MXI1: variants seen among roughly 807,000 people sequenced by gnomAD.
MXI1 encodes the protein max-interacting protein 1.
In MXI1, 18 loss-of-function variants were observed where a neutral mutation model predicts 36.9. The ratio of observed to expected loss-of-function variants is 0.49; its 90% CI spans 0.34 to 0.72. The LOEUF is 0.72. MXI1 is among the 30% of genes least tolerant of loss of function. The pLI, the probability that MXI1 is intolerant of heterozygous loss-of-function variation, is 0.01. For synonymous variants in MXI1, 160 were observed against 146.7 expected (o/e 1.09, Z -0.65); for missense variants, 304 against 379.1 (o/e 0.80, Z 1.64).
intron 3 of MXI1, among the ~76,000 whole-genome samples, chr10:110,253,047 G>A (rs76756488): frequency 0.014 from 2,176 of 152,102 alleles, 55 homozygotes; most frequent in African/African-American, 0.05. Context: ...TTATAAAGGA[G>A]AACACTTTAT....
intron 3 of MXI1, among the ~76,000 whole-genome samples, chr10:110,264,042 A>G (rs1856604858): frequency 6.6e-6 from 1 of 152,100 alleles, no homozygotes; most frequent in African/African-American, 2.4e-5. Flanking sequence ...CAATGGGTTC[A>G]TCTGGAGCCA....
chr10:110,265,140 C>T (rs1239787801), intron 3 of MXI1, among the ~76,000 whole-genome samples: 1 of 152,014 alleles, frequency 6.6e-6, no homozygotes, highest in Admixed American at 6.6e-5. Context: ...GCTCTGAGTA[C>T]GGAGGAGTTA....
At chr10:110,246,185 C>T (rs1855858725) in intron 3 of MXI1, among the ~76,000 whole-genome samples, 1 of 151,812 alleles carries the variant, frequency 6.6e-6, no homozygotes, top group Non-Finnish European at 1.5e-5. Flanking sequence ...AATAAATTAG[C>T]TGGTGTGGTG....
intron 3 of MXI1, among the ~76,000 whole-genome samples, chr10:110,256,012 C>T (rs1251586829): frequency 6.6e-6 from 1 of 152,076 alleles, no homozygotes; most frequent in Non-Finnish European, 1.5e-5. Flanking sequence ...GAAATAATTT[C>T]TCACATTTAT....
chr10:110,226,050 G>A, intron 1 of MXI1: 2 of 988,950 alleles, frequency 2.0e-6, no homozygotes, highest in Non-Finnish European at 2.4e-6. Flanking sequence ...GGCGCGGCTG[G>A]GGCGGCAGGG....
At chr10:110,258,067 T>C (rs1316051245) in intron 3 of MXI1, among the ~76,000 whole-genome samples, 1 of 152,214 alleles carries the variant, frequency 6.6e-6, no homozygotes, top group African/African-American at 2.4e-5. Context: ...ATTTAAGATG[T>C]AACAGAATAT....
At chr10:110,218,039 C>G (rs1381842132) in intron 1 of MXI1, among the ~76,000 whole-genome samples, 1 of 152,126 alleles carries the variant, frequency 6.6e-6, no homozygotes, top group Non-Finnish European at 1.5e-5. Context: ...TTTCCTAAGG[C>G]CACAGTCTAA....
intron 1 of MXI1, among the ~76,000 whole-genome samples, chr10:110,214,640 C>T (rs1854584900): frequency 6.8e-6 from 1 of 147,976 alleles, no homozygotes; most frequent in Admixed American, 6.7e-5. Context: ...ACCCCCTCCT[C>T]CCTACCACCA....
At chr10:110,219,915 A>G (rs1483921482) in intron 1 of MXI1, among the ~76,000 whole-genome samples, 1 of 152,170 alleles carries the variant, frequency 6.6e-6, no homozygotes, top group African/African-American at 2.4e-5. Context: ...TCTTGTACAG[A>G]TTAGTTTGGA....
At chr10:110,243,354 G>A (rs958718823) in intron 2 of MXI1, among the ~76,000 whole-genome samples, 1 of 151,890 alleles carries the variant, frequency 6.6e-6, no homozygotes, top group African/African-American at 2.4e-5. Context: ...ATGTCTCTTG[G>A]ACTTGATGAA....
intron 3 of MXI1, among the ~76,000 whole-genome samples, chr10:110,246,310 G>A (rs1426411381): frequency 1.3e-5 from 2 of 152,048 alleles, no homozygotes; most frequent in Non-Finnish European, 1.5e-5. Flanking sequence ...GTGACAGAGA[G>A]TGAGACCCTG....
At chr10:110,254,332 A>G (rs1323586979) in intron 3 of MXI1, among the ~76,000 whole-genome samples, 1 of 152,132 alleles carries the variant, frequency 6.6e-6, no homozygotes, top group Non-Finnish European at 1.5e-5. Context: ...TATAAGATGC[A>G]GACTTAATAA....
intron 5 of MXI1, among the ~76,000 whole-genome samples, chr10:110,283,962 G>GT (rs67500928): frequency 0.23 from 34,014 of 149,168 alleles, 4,514 homozygotes; most frequent in African/African-American, 0.37. Flanking sequence ...TTGTGTTGTT[G>GT]TGTTTTTTTT....
intron 3 of MXI1, chr10:110,260,971 A>G: frequency 3.0e-6 from 3 of 983,974 alleles, no homozygotes; most frequent in Non-Finnish European, 3.6e-6. Flanking sequence ...TGTGGTTGTA[A>G]CTGTATTATA....
intron 2 of MXI1, among the ~76,000 whole-genome samples, chr10:110,242,478 T>C (rs771807260): frequency 1.4e-4 from 21 of 152,052 alleles, no homozygotes; most frequent in Non-Finnish European, 2.8e-4. Context: ...GGCAACATGG[T>C]AATGATTTGT....
chr10:110,259,280 AG>A (rs1856423307), intron 3 of MXI1, among the ~76,000 whole-genome samples: 1 of 152,112 alleles, frequency 6.6e-6, no homozygotes, highest in Non-Finnish European at 1.5e-5. Context: ...GATTTTCTTG[AG>A]ATATTTTAGA....
chr10:110,231,663 A>G (rs902821163), intron 2 of MXI1, among the ~76,000 whole-genome samples: 2 of 152,210 alleles, frequency 1.3e-5, no homozygotes, highest in Non-Finnish European at 2.9e-5. Flanking sequence ...CCAAAAATCA[A>G]CATTGCTAAG....
chr10:110,213,125 G>A (rs1854549490), intron 1 of MXI1, among the ~76,000 whole-genome samples: 1 of 152,184 alleles, frequency 6.6e-6, no homozygotes, highest in Non-Finnish European at 1.5e-5. Flanking sequence ...CAACTCCCTT[G>A]GGTGGTGAGA....
chr10:110,245,592 A>G (rs962218353), intron 3 of MXI1, among the ~76,000 whole-genome samples: 2 of 152,166 alleles, frequency 1.3e-5, no homozygotes, highest in Non-Finnish European at 2.9e-5. Flanking sequence ...AAAAGATTGT[A>G]ACATGAGTAA....
Sources: gnomAD v4.1 joint callset for allele counts (sites outside exome capture counted in the v4.1 genomes callset) on GRCh38, gnomAD v4.1.1 for gene constraint, MANE v1.5 for transcripts, NCBI Gene and HGNC (gene_info 2026-07-23, HGNC 2026-07-21) for gene names.